Variants in DNM1L observed in about 807,000 individuals in gnomAD.
DNM1L encodes dynamin 1L.
DNM1L carries 33 observed loss-of-function variants against 92.8 expected under a neutral mutation model. The ratio of observed to expected loss-of-function variants is 0.36; its 90% CI spans 0.27 to 0.48. DNM1L has a LOEUF of 0.48. Among genes scored for constraint, DNM1L ranks in the 20% least tolerant of loss-of-function variants. The pLI is 0.99. For missense variants in DNM1L, 485 were observed against 888.8 expected, an observed-to-expected ratio of 0.55 and a Z score of 5.78; for synonymous variants, 284 against 305.0, an observed-to-expected ratio of 0.93 and a Z score of 0.72.
intron 13 of DNM1L, among the ~76,000 whole-genome samples, chr12:32,734,264 G>C (rs976731369): frequency 6.6e-6 from 1 of 152,184 alleles, no homozygotes; most frequent in Non-Finnish European, 1.5e-5. Flanking sequence ...TGATTTTAAT[G>C]TAACAAATTG....
rs1592635257 is a variant in DNM1L, at chr12:32,722,767, A to T, written c.1079+134A>T. 1.7e-5 allele frequency: 12 copies of T among 690,092 alleles called. No individual in the cohort carries two copies. The East Asian group carries it at 3.3e-4, about 19-fold the overall frequency. The allele number at this position is 690,092 out of a possible 1,614,324, so 42.7% of individuals were successfully genotyped here. On this transcript the variant is annotated intron_variant, in intron 9 of 19. Transcript: ENST00000549701. ...AAAACAAAAATATAACTTTGTAGAGATAATAGGATGATGTCTGGTTGTGTG... is the reference window on the plus strand; with the variant it reads ...AAAACAAAAATATAACTTTGTAGAGTTAATAGGATGATGTCTGGTTGTGTG...
At chr12:32,715,546 A>G (rs1953324790) in intron 6 of DNM1L, among the ~76,000 whole-genome samples, 1 of 152,024 alleles carries the variant, frequency 6.6e-6, no homozygotes, top group Non-Finnish European at 1.5e-5. Flanking sequence ...CAGCCTGACC[A>G]ACATGGTGAA....
intron 7 of DNM1L, 21 bp from the exon 8 acceptor site, chr12:32,720,643 T>C: frequency 6.2e-7 from 1 of 1,613,652 alleles, no homozygotes; most frequent in East Asian, 2.2e-5. Flanking sequence ...CTGAATAGTT[T>C]CGTTATTTTT....
Position 32,743,596 on chromosome 12 carries a change from A to G in DNM1L, c.*186A>G. The G allele has an allele frequency of 3.3e-6, 2 of 597,796 alleles. No individual in the cohort carries two copies. Among genetic ancestry groups the G allele is most frequent in the Non-Finnish European group, 5.9e-6 (2 of 338,376 alleles). 37.0% of individuals were successfully genotyped at this position (597,796 alleles called of 1,614,324 possible). Reference sequence around the variant, plus strand: ...ACATCACACATTTAATCCAAATAATAAATGGCTGTTTCTAAAGTTTCCCAG... The same window carrying G: ...ACATCACACATTTAATCCAAATAATGAATGGCTGTTTCTAAAGTTTCCCAG... On this transcript the variant is annotated 3_prime_UTR_variant, in exon 20 of 20. Transcript: ENST00000549701.
chr12:32,679,825 C>T (rs947743943), intron 1 of DNM1L: 1 of 1,008,754 alleles, frequency 9.9e-7, no homozygotes, highest in African/African-American at 1.7e-5. Flanking sequence ...CCAAGGGCAC[C>T]TGGGGGACGC....
chr12:32,729,641 G>A (rs541931575), intron 9 of DNM1L, among the ~76,000 whole-genome samples: 1 of 152,158 alleles, frequency 6.6e-6, no homozygotes, highest in South Asian at 2.1e-4. Flanking sequence ...TGCATTTTTA[G>A]TAGAGACTGG....
intron 14 of DNM1L, 162 bp from the exon 15 acceptor site, chr12:32,737,703 G>A (rs1954989523): frequency 4.7e-6 from 3 of 639,102 alleles, no homozygotes; most frequent in South Asian, 3.6e-5. Flanking sequence ...AGGTGACAAT[G>A]GTGAAGGAAA....
intron 1 of DNM1L, 74 bp downstream of exon 1, chr12:32,679,539 C>A (rs929787276): frequency 8.9e-6 from 13 of 1,464,158 alleles, no homozygotes; most frequent in Admixed American, 1.8e-5. Flanking sequence ...GCAGTGCCCA[C>A]TCCCGCGCCA....
chr12:32,701,207 C>T (rs201319243), intron 1 of DNM1L, among the ~76,000 whole-genome samples: 21 of 150,720 alleles, frequency 1.4e-4, no homozygotes, highest in Admixed American at 9.9e-4. Flanking sequence ...ACCCGGGAGG[C>T]GGAGGTTGCA....
At chr12:32,683,279 A>G (rs1951873879) in intron 1 of DNM1L, among the ~76,000 whole-genome samples, 1 of 152,156 alleles carries the variant, frequency 6.6e-6, no homozygotes, top group African/African-American at 2.4e-5. Context: ...GCTGGAGTGC[A>G]GTGGCATAAT....
intron 16 of DNM1L, among the ~76,000 whole-genome samples, chr12:32,738,683 C>A (rs1047397121): frequency 6.6e-6 from 1 of 151,960 alleles, no homozygotes; most frequent in Admixed American, 6.6e-5. Context: ...GCACTTGTTA[C>A]CCTATATATA....
At position 32,724,576 on chromosome 12, in the gene DNM1L, CA is replaced by C. The variant is rs10535838; in HGVS notation, c.1079+1961del. Among the ~76,000 whole-genome samples, 539 of 95,768 alleles carry C rather than the reference CA, an allele frequency of 5.6e-3. 2 individuals carry two copies. Among genetic ancestry groups the C allele is most frequent in the East Asian group, 0.043 (138 of 3,200 alleles). The allele number at this position is 95,768 out of a possible 152,430, so 62.8% of individuals were successfully genotyped here. On this transcript the variant is annotated intron_variant, in intron 9 of 19. Coordinates refer to ENST00000549701, the MANE Select transcript of DNM1L (RefSeq NM_012062.5). ...GGGCAACAGAGAGAGACTCTATCTC[CA>C]AAAAAAAAAAAAAAAAATATATATA...
chr12:32,687,622 T>A (rs1480049856), intron 1 of DNM1L, among the ~76,000 whole-genome samples: 1 of 151,440 alleles, frequency 6.6e-6, no homozygotes, highest in Non-Finnish European at 1.5e-5. Flanking sequence ...TTTTTGGTAT[T>A]TTTTTTTAGT....
rs190295149 is a variant in DNM1L, at chr12:32,745,165, T to C, written c.*1755T>C. 457 of 291,278 alleles carry C rather than the reference T, an allele frequency of 1.6e-3. 3 individuals are homozygous for C. The highest frequency in any genetic ancestry group is 9.9e-3 in the African/African-American group (442 of 44,608). 18.0% of individuals were successfully genotyped at this position (291,278 alleles called of 1,614,324 possible). A position where few individuals can be genotyped will look rare whatever the true frequency, so the allele number is the denominator to read the frequency against. Reference sequence around the variant, plus strand: ...ACAGAGGATACATGCTCCCAAAACGTTTGTTACCACACTTAAAAATCACTG... The same window carrying C: ...ACAGAGGATACATGCTCCCAAAACGCTTGTTACCACACTTAAAAATCACTG... On this transcript the variant is annotated 3_prime_UTR_variant, in exon 20 of 20. Coordinates refer to ENST00000549701, the MANE Select transcript of DNM1L (RefSeq NM_012062.5).
chr12:32,724,596 ATAT>A (rs1565526490), intron 9 of DNM1L, among the ~76,000 whole-genome samples: 694 of 41,592 alleles, frequency 0.017, 8 homozygotes, highest in Admixed American at 0.022. Flanking sequence ...AAAAAAAAAT[ATAT>A]ATATATATAT....
Position 32,744,134 on chromosome 12 carries a change from A to C in DNM1L, c.*724A>C, listed in dbSNP as rs1955499316. On this transcript the variant is annotated 3_prime_UTR_variant, in exon 20 of 20. Coordinates refer to ENST00000549701, the MANE Select transcript of DNM1L (RefSeq NM_012062.5). ...ATTAATTCCTACATTAAAAACAGCC[A>C]TCTACCCTTGATTATCTAGAAAGAC... 2 of 152,274 alleles carry C rather than the reference A, an allele frequency of 1.3e-5. No individual in the cohort carries two copies. 9.4% of individuals were successfully genotyped at this position (152,274 alleles called of 1,614,324 possible).
chr12:32,728,252 T>G (rs1954283545), intron 9 of DNM1L: 1 of 152,204 alleles, frequency 6.6e-6, no homozygotes. Flanking sequence ...TTCTGTATAC[T>G]TTAGTGTGCC....
chr12:32,684,237 C>T (rs550075992), intron 1 of DNM1L, among the ~76,000 whole-genome samples: 17 of 152,278 alleles, frequency 1.1e-4, no homozygotes, highest in Admixed American at 3.9e-4. Flanking sequence ...ATAAGCCCCA[C>T]GTGGGTGAGG....
At chr12:32,715,382 A>G (rs1411249402) in intron 6 of DNM1L, among the ~76,000 whole-genome samples, 1 of 152,152 alleles carries the variant, frequency 6.6e-6, no homozygotes, top group African/African-American at 2.4e-5. Flanking sequence ...GTAAATTATA[A>G]TAATAAAATA....
Sources: allele counts gnomAD v4.1 joint callset (sites outside exome capture counted in the v4.1 genomes callset), GRCh38; gene constraint gnomAD v4.1.1; transcripts MANE v1.5; gene names NCBI Gene and HGNC (gene_info 2026-07-23, HGNC 2026-07-21).